Variants in MYLK observed in about 807,000 individuals in gnomAD.
MYLK encodes the protein myosin light chain kinase.
MYLK carries 106 observed loss-of-function variants against 203.4 expected under a neutral mutation model. The observed-to-expected ratio is 0.52, with a 90% CI of 0.45 to 0.61. The LOEUF is 0.61. Ranked by LOEUF, MYLK falls within the 20% of genes least tolerant of loss-of-function variation. The pLI is 0.00. For synonymous variants in MYLK, 867 were observed against 959.5 expected, an observed-to-expected ratio of 0.90 and a Z score of 1.78; for missense variants, 2,072 against 2,442.3, an observed-to-expected ratio of 0.85 and a Z score of 3.20.
intron 3 of MYLK, among the ~76,000 whole-genome samples, chr3:123,805,695 C>T (rs556821893): frequency 5.9e-5 from 9 of 152,216 alleles, no homozygotes; most frequent in African/African-American, 1.9e-4. Context: ...GGAGCCATCA[C>T]GTCACAGGCT....
At position 123,692,711 on chromosome 3, in the gene MYLK, C is replaced by T. The variant is rs200628429; in HGVS notation, c.3565+24G>A. The T allele has an allele frequency of 9.3e-5, 146 of 1,564,316 alleles. 1 individual carries two copies. The African/African-American group carries it at 1.2e-3, about 12-fold the overall frequency. On this transcript the variant is annotated intron_variant, in intron 19 of 33. Transcript: ENST00000360304. ...AAATGGGACCCCTGTGTATGGGTGG[C>T]GGCGATGGGTGGGCACGACCTACCA...
intron 12 of MYLK, 93 bp downstream of exon 12, chr3:123,725,851 A>T: frequency 6.6e-7 from 1 of 1,526,308 alleles, no homozygotes; most frequent in Non-Finnish European, 8.9e-7. Flanking sequence ...AGGATGTCCA[A>T]GGCATAAATG....
intron 12 of MYLK, among the ~76,000 whole-genome samples, chr3:123,725,440 C>T (rs2062245480): frequency 6.6e-6 from 1 of 152,172 alleles, no homozygotes; most frequent in Non-Finnish European, 1.5e-5. Flanking sequence ...ATAGGACTAT[C>T]AGTTTAAAAA....
intron 19 of MYLK, among the ~76,000 whole-genome samples, chr3:123,684,337 G>A (rs2060374268): frequency 6.6e-6 from 1 of 152,156 alleles, no homozygotes; most frequent in Non-Finnish European, 1.5e-5. Flanking sequence ...AGTGCGCAGG[G>A]AGTGGCTCCA....
chr3:123,614,953 C>T (rs1048455677), intron 33 of MYLK, among the ~76,000 whole-genome samples: 1 of 151,830 alleles, frequency 6.6e-6, no homozygotes, highest in Non-Finnish European at 1.5e-5. Flanking sequence ...GCTATAGGTA[C>T]ATGCCACCAT....
chr3:123,827,233 T>C lies in MYLK; in HGVS notation c.-4+4315A>G, dbSNP rs530370860. On this transcript the variant is annotated intron_variant, in intron 3 of 33. Coordinates refer to ENST00000360304, the MANE Select transcript of MYLK (RefSeq NM_053025.4). ...AAAGAACTAAAAGGAAATCAATTAA[T>C]GCAATAAAAATTAGCAGAAAACTTC... Among the ~76,000 whole-genome samples the C allele has an allele frequency of 6.6e-5, 10 of 152,242 alleles. No homozygotes were observed. In the South Asian group the frequency reaches 1.5e-3, roughly 22 times the overall value.
chr3:123,774,678 G>A (rs539422759), intron 4 of MYLK, among the ~76,000 whole-genome samples: 1 of 152,230 alleles, frequency 6.6e-6, no homozygotes, highest in South Asian at 2.1e-4. Flanking sequence ...GTCCCCTTAG[G>A]AGTATTCTTC....
chr3:123,683,465 G>T (rs2060341072), intron 19 of MYLK, among the ~76,000 whole-genome samples: 1 of 152,086 alleles, frequency 6.6e-6, no homozygotes, highest in Non-Finnish European at 1.5e-5. Flanking sequence ...ACTGGGGGCT[G>T]GGAACATACT....
chr3:123,847,373 C>A (rs1292395133), intron 2 of MYLK, among the ~76,000 whole-genome samples: 2 of 152,094 alleles, frequency 1.3e-5, no homozygotes, highest in Non-Finnish European at 2.9e-5. Flanking sequence ...CAAGTAAGAA[C>A]ATTTTAATCT....
chr3:123,738,850 C>T (rs1301975272), intron 7 of MYLK, 47 bp downstream of exon 7: 1 of 1,576,350 alleles, frequency 6.3e-7, no homozygotes, highest in Non-Finnish European at 8.6e-7. Context: ...AGCATGAGAA[C>T]AGACTAATAC....
At chr3:123,686,234 C>T (rs2060449940) in intron 19 of MYLK, among the ~76,000 whole-genome samples, 1 of 152,150 alleles carries the variant, frequency 6.6e-6, no homozygotes, top group African/African-American at 2.4e-5. Flanking sequence ...GCTTGTGTCC[C>T]CAAAGAAGTG....
intron 16 of MYLK, among the ~76,000 whole-genome samples, chr3:123,707,008 G>A (rs2108629253): frequency 6.6e-6 from 1 of 152,290 alleles, no homozygotes; most frequent in Middle Eastern, 3.4e-3. Context: ...GGAAGTGATG[G>A]CGTGTGGCTT....
chr3:123,718,332 G>A (rs1279821235), intron 13 of MYLK, among the ~76,000 whole-genome samples: 2 of 151,944 alleles, frequency 1.3e-5, no homozygotes, highest in Admixed American at 1.3e-4. Flanking sequence ...TGGCAGGCCT[G>A]GCTCTACACA....
intron 2 of MYLK, among the ~76,000 whole-genome samples, chr3:123,861,158 A>G (rs2031870430): frequency 6.6e-6 from 1 of 151,316 alleles, no homozygotes; most frequent in South Asian, 2.1e-4. Flanking sequence ...AAAAAAAAAA[A>G]ACTGATTGGA....
Position 123,636,316 on chromosome 3 carries a change from C to T in MYLK, c.4961+1755G>A, listed in dbSNP as rs77985122. Among the ~76,000 whole-genome samples the T allele has an allele frequency of 0.023, 3,457 of 152,326 alleles. 187 individuals are homozygous for T. In the East Asian group the frequency reaches 0.23, roughly 10 times the overall value. On this transcript the variant is annotated intron_variant, in intron 29 of 33. Coordinates refer to ENST00000360304, the MANE Select transcript of MYLK (RefSeq NM_053025.4). Reference sequence around the variant, plus strand: ...GCTTCCTTGGCCCCTGTCACCTCAACGCCACATGAAGATGGAATCCCTGCC... The same window carrying T: ...GCTTCCTTGGCCCCTGTCACCTCAATGCCACATGAAGATGGAATCCCTGCC...
chr3:123,699,984 G>A (rs1222896514), intron 18 of MYLK, 36 bp downstream of exon 18: 1 of 1,613,854 alleles, frequency 6.2e-7, no homozygotes, highest in African/African-American at 1.3e-5. Context: ...CCCTGGTACA[G>A]AGGCCCCTTC....
chr3:123,616,360 A>AT (rs2107834285), intron 33 of MYLK: 1 of 152,276 alleles, frequency 6.6e-6, no homozygotes, highest in South Asian at 2.1e-4. Context: ...AATATATATT[A>AT]TATGTATTTA....
In MYLK at chr3:123,627,027, C is replaced by T. The variant is rs1003432487; in HGVS notation, c.5115-86G>A. 1.8e-4 allele frequency: 278 copies of T among 1,527,178 alleles called. 1 individual carries two copies. The highest frequency in any genetic ancestry group is 3.3e-5 in the Non-Finnish European group (37 of 1,108,384). 94.6% of individuals were successfully genotyped at this position (1,527,178 alleles called of 1,614,324 possible). ...AGTTCAGAAATGGGAGGCCACCTGT[C>T]CCTGGTCATGAGGGCAGAGCCCAGG... On this transcript the variant is annotated intron_variant, in intron 30 of 33. Coordinates refer to ENST00000360304, the MANE Select transcript of MYLK (RefSeq NM_053025.4).
chr3:123,861,147 C>CA (rs1245171066), intron 2 of MYLK, among the ~76,000 whole-genome samples: 357 of 139,804 alleles, frequency 2.6e-3, no homozygotes, highest in East Asian at 6.9e-3. Flanking sequence ...AAACAAAAAA[C>CA]AAAAAAAAAA....
Sources: allele counts gnomAD v4.1 joint callset (sites outside exome capture counted in the v4.1 genomes callset), GRCh38; gene constraint gnomAD v4.1.1; transcripts MANE v1.5; gene names NCBI Gene and HGNC (gene_info 2026-07-23, HGNC 2026-07-21).